The following PPP2R5E variants were observed in gnomAD, a reference collection of about 807,000 sequenced individuals.
PPP2R5E encodes serine/threonine-protein phosphatase 2A 56 kDa regulatory subunit epsilon isoform.
In PPP2R5E, 4 loss-of-function variants were observed where a neutral mutation model predicts 65.3. The ratio of observed to expected loss-of-function variants is 0.06; its 90% CI spans 0.03 to 0.14. PPP2R5E has a LOEUF of 0.14. PPP2R5E is among the 10% of genes least tolerant of loss of function. The pLI is 1.00. For synonymous variants in PPP2R5E, 183 were observed against 187.4 expected (o/e 0.98, Z 0.19); for missense variants, 274 against 556.1 (o/e 0.49, Z 5.10).
intron 13 of PPP2R5E, among the ~76,000 whole-genome samples, chr14:63,378,688 C>T (rs1182420710): frequency 2.0e-5 from 3 of 152,204 alleles, no homozygotes; most frequent in Admixed American, 6.5e-5. Flanking sequence ...AATTTTAACG[C>T]TTAACCACAC....
At chr14:63,522,686 G>C (rs1892981413) in intron 2 of PPP2R5E, among the ~76,000 whole-genome samples, 1 of 149,826 alleles carries the variant, frequency 6.7e-6, no homozygotes, top group South Asian at 2.1e-4. Context: ...ACCCCGTCTG[G>C]GAGGAGAGGA....
At chr14:63,418,823 T>C (rs1462937803) in intron 4 of PPP2R5E, among the ~76,000 whole-genome samples, 1 of 150,906 alleles carries the variant, frequency 6.6e-6, no homozygotes, top group East Asian at 1.9e-4. Flanking sequence ...CAATTTGTTA[T>C]AATCAGTAAT....
chr14:63,515,410 C>G (rs1892630406), intron 2 of PPP2R5E, among the ~76,000 whole-genome samples: 1 of 152,202 alleles, frequency 6.6e-6, no homozygotes. Flanking sequence ...GACTGACATT[C>G]CAATTTAATC....
chr14:63,493,165 T>C (rs1235571670), intron 2 of PPP2R5E, among the ~76,000 whole-genome samples: 1 of 151,854 alleles, frequency 6.6e-6, no homozygotes, highest in Non-Finnish European at 1.5e-5. Context: ...TGTAAAGCAC[T>C]GTTGATAGTC....
At chr14:63,430,389 A>ACATACATACATACATACATG (rs1887596047) in intron 3 of PPP2R5E, among the ~76,000 whole-genome samples, 15 of 142,490 alleles carry the variant, frequency 1.1e-4, no homozygotes, top group African/African-American at 3.5e-4. Context: ...ATACATACAT[A>ACATACATACATACATACATG]CATACATACA....
At chr14:63,408,427 T>C (rs958224153) in intron 5 of PPP2R5E, among the ~76,000 whole-genome samples, 2 of 152,190 alleles carry the variant, frequency 1.3e-5, no homozygotes, top group African/African-American at 2.4e-5. Flanking sequence ...ATTTGGTACA[T>C]CTTCTTATGG....
chr14:63,476,482 C>A (rs142690355), intron 2 of PPP2R5E, among the ~76,000 whole-genome samples: 4 of 152,242 alleles, frequency 2.6e-5, no homozygotes, highest in African/African-American at 9.6e-5. Flanking sequence ...AAAGACCACT[C>A]CTCCTTCCGC....
chr14:63,537,782 T>C (rs1255787), intron 2 of PPP2R5E, among the ~76,000 whole-genome samples: 1 of 152,150 alleles, frequency 6.6e-6, no homozygotes, highest in Non-Finnish European at 1.5e-5. Context: ...CTAAAGCTCA[T>C]TGTGTTGTTC....
intron 2 of PPP2R5E, among the ~76,000 whole-genome samples, chr14:63,501,195 C>T (rs900597330): frequency 4.0e-5 from 6 of 151,884 alleles, no homozygotes; most frequent in South Asian, 2.1e-4. Context: ...GTCAGGAGAT[C>T]GAGACTATCC....
At chr14:63,443,753 C>T (rs1182060896) in intron 3 of PPP2R5E, among the ~76,000 whole-genome samples, 6 of 152,162 alleles carry the variant, frequency 3.9e-5, no homozygotes, top group Admixed American at 3.9e-4. Flanking sequence ...TCTCCCTACT[C>T]CCCAACAGCA....
chr14:63,434,265 A>AGTATT (rs1446706365), intron 3 of PPP2R5E, among the ~76,000 whole-genome samples: 1 of 152,248 alleles, frequency 6.6e-6, no homozygotes, highest in Non-Finnish European at 1.5e-5. Flanking sequence ...CAAACAAAAA[A>AGTATT]TGGCAGATAC....
At chr14:63,532,999 T>A (rs1316072740) in intron 2 of PPP2R5E, among the ~76,000 whole-genome samples, 3 of 152,130 alleles carry the variant, frequency 2.0e-5, no homozygotes, top group African/African-American at 4.8e-5. Context: ...ACCCAGCTAA[T>A]TTTTTATTGT....
chr14:63,426,618 G>C lies in PPP2R5E; in HGVS notation c.355-4524C>G, dbSNP rs1166984487. On this transcript the variant is annotated intron_variant, in intron 3 of 13. Transcript: ENST00000337537. ...CACCTTCCATTGCAAGATGAAAATGGGTCTTGAACTTGTTTATATAAGACT... is the reference window on the plus strand; with the variant it reads ...CACCTTCCATTGCAAGATGAAAATGCGTCTTGAACTTGTTTATATAAGACT... Among the ~76,000 whole-genome samples, 3 of 150,988 alleles carry C rather than the reference G, an allele frequency of 2.0e-5. No individual in the cohort carries two copies. In the South Asian group the frequency reaches 6.3e-4, roughly 32 times the overall value.
At chr14:63,397,645 GT>G (rs1566673745) in intron 5 of PPP2R5E, among the ~76,000 whole-genome samples, 3 of 150,908 alleles carry the variant, frequency 2.0e-5, no homozygotes, top group Non-Finnish European at 4.4e-5. Context: ...CCAGACTCTT[GT>G]TATGTAGGTG....
chr14:63,482,895 G>A (rs569462432), intron 2 of PPP2R5E, among the ~76,000 whole-genome samples: 1 of 152,194 alleles, frequency 6.6e-6, no homozygotes, highest in African/African-American at 2.4e-5. Flanking sequence ...ATTTTCTAGG[G>A]CTCAGACACT....
intron 5 of PPP2R5E, among the ~76,000 whole-genome samples, chr14:63,412,576 C>T (rs868653900): frequency 3.3e-5 from 5 of 152,132 alleles, no homozygotes; most frequent in Admixed American, 6.5e-5. Context: ...GTTGACAGAA[C>T]GAAGAACTCG....
chr14:63,470,937 C>T (rs1173728827), intron 2 of PPP2R5E, among the ~76,000 whole-genome samples: 1 of 152,046 alleles, frequency 6.6e-6, no homozygotes, highest in East Asian at 1.9e-4. Flanking sequence ...CCTGATATTA[C>T]AAAGGTGACC....
intron 5 of PPP2R5E, among the ~76,000 whole-genome samples, chr14:63,405,649 A>G (rs1248811924): frequency 6.6e-6 from 1 of 152,246 alleles, no homozygotes; most frequent in East Asian, 1.9e-4. Context: ...ATCTTTAGAA[A>G]TATGTTGCTA....
intron 3 of PPP2R5E, among the ~76,000 whole-genome samples, chr14:63,439,525 C>A (rs1022485270): frequency 1.3e-5 from 2 of 152,186 alleles, no homozygotes; most frequent in Non-Finnish European, 2.9e-5. Flanking sequence ...CAGGCATGCG[C>A]CACCAGGCCT....
Sources: gnomAD v4.1 joint callset for allele counts (sites outside exome capture counted in the v4.1 genomes callset) on GRCh38, gnomAD v4.1.1 for gene constraint, MANE v1.5 for transcripts, NCBI Gene and HGNC (gene_info 2026-07-23, HGNC 2026-07-21) for gene names.